Variants in ZFPM1 observed in about 807,000 individuals in gnomAD.
The protein encoded by ZFPM1 is zinc finger protein, FOG family member 1, also known as zinc finger protein ZFPM1.
A neutral mutation model predicts 46.3 loss-of-function variants in ZFPM1; 28 were observed. The ratio of observed to expected loss-of-function variants is 0.60; its 90% CI spans 0.45 to 0.83. The LOEUF (loss-of-function observed/expected upper bound fraction) is 0.83. ZFPM1 is among the 40% of genes least tolerant of loss of function. ZFPM1 has a pLI of 0.00. For synonymous variants in ZFPM1, 957 were observed against 675.9 expected (o/e 1.42, Z -6.45); for missense variants, 1,878 against 1,432.4 (o/e 1.31, Z -5.02).
chr16:88,468,284 C>T (rs982811360), intron 1 of ZFPM1, among the ~76,000 whole-genome samples: 8 of 152,140 alleles, frequency 5.3e-5, no homozygotes, highest in Admixed American at 3.3e-4. Context: ...CTGCGGCGCA[C>T]AGAGCCACCA....
At chr16:88,463,765 A>G (rs563622874) in intron 1 of ZFPM1, among the ~76,000 whole-genome samples, 1 of 152,234 alleles carries the variant, frequency 6.6e-6, no homozygotes, top group African/African-American at 2.4e-5. Context: ...GGGCCAGGGG[A>G]CGCCCGTCTT....
chr16:88,478,088 C>T lies in ZFPM1; in HGVS notation c.41-7851C>T, dbSNP rs180800519. Among the ~76,000 whole-genome samples the T allele has an allele frequency of 3.1e-3, 469 of 152,222 alleles. 3 individuals carry two copies. Among genetic ancestry groups the T allele is most frequent in the South Asian group, 0.016 (76 of 4,786 alleles). On this transcript the variant is annotated intron_variant, in intron 1 of 9. Coordinates refer to ENST00000319555, the MANE Select transcript of ZFPM1 (RefSeq NM_153813.3). Reference sequence around the variant, plus strand: ...CTGCCTCTTGGTGGAGCCGCTCAACCGCCATGTCTCCCCTGCCCCAGGCCC... The same window carrying T: ...CTGCCTCTTGGTGGAGCCGCTCAACTGCCATGTCTCCCCTGCCCCAGGCCC...
intron 5 of ZFPM1, among the ~76,000 whole-genome samples, chr16:88,527,816 G>A (rs1567554043): frequency 6.6e-6 from 1 of 151,270 alleles, no homozygotes; most frequent in African/African-American, 2.4e-5. Context: ...CCACTAGGAT[G>A]GGCCCAGAGC....
intron 1 of ZFPM1, among the ~76,000 whole-genome samples, chr16:88,463,741 T>C (rs1908003713): frequency 6.6e-6 from 1 of 152,218 alleles, no homozygotes. Context: ...AGGAGACCTT[T>C]CCCTGCTCCC....
chr16:88,478,062 T>C lies in ZFPM1; in HGVS notation c.41-7877T>C, dbSNP rs952008538. Among the ~76,000 whole-genome samples the C allele has an allele frequency of 5.3e-5, 8 of 152,142 alleles. No homozygotes were observed. In the South Asian group the frequency reaches 1.4e-3, roughly 28 times the overall value. On this transcript the variant is annotated intron_variant, in intron 1 of 9. Coordinates refer to ENST00000319555, the MANE Select transcript of ZFPM1 (RefSeq NM_153813.3). ...GCAGGGTGTGTGGGAGCTCTGTCTG[T>C]CTGCCTCTTGGTGGAGCCGCTCAAC...
intron 1 of ZFPM1, among the ~76,000 whole-genome samples, chr16:88,455,537 C>G (rs1907510233): frequency 7.5e-6 from 1 of 133,418 alleles, no homozygotes; most frequent in East Asian, 2.5e-4. Flanking sequence ...CGCCCTCTTG[C>G]CAGCGCCTGT....
At chr16:88,515,702 T>C (rs920055734) in intron 4 of ZFPM1, among the ~76,000 whole-genome samples, 2 of 151,984 alleles carry the variant, frequency 1.3e-5, no homozygotes, top group South Asian at 2.1e-4. Flanking sequence ...AGCAGGGAGG[T>C]GGAAGAACGG....
At chr16:88,487,567 C>T (rs753399528) in intron 2 of ZFPM1, among the ~76,000 whole-genome samples, 4 of 152,002 alleles carry the variant, frequency 2.6e-5, no homozygotes, top group Admixed American at 6.5e-5. Flanking sequence ...GGTCTGCAGC[C>T]GAGGGGCTGG....
chr16:88,524,799 G>C (rs150229901), intron 4 of ZFPM1, among the ~76,000 whole-genome samples: 3 of 152,196 alleles, frequency 2.0e-5, no homozygotes, highest in Admixed American at 2.0e-4. Flanking sequence ...GCAGGGGCTC[G>C]GCCGCCCCTC....
intron 1 of ZFPM1, among the ~76,000 whole-genome samples, chr16:88,457,544 C>T (rs1218203235): frequency 2.0e-5 from 3 of 152,240 alleles, no homozygotes; most frequent in Admixed American, 6.5e-5. Context: ...CTGAGGGGAA[C>T]GGTGCCTGCA....
At chr16:88,499,383 G>A (rs1029344531) in intron 3 of ZFPM1, among the ~76,000 whole-genome samples, 3 of 102,378 alleles carry the variant, frequency 2.9e-5, no homozygotes, top group Admixed American at 1.2e-4. Flanking sequence ...CAGAGCAGCC[G>A]CGGAGGAGAA....
In ZFPM1 at chr16:88,471,669, C is replaced by T. The variant is rs560148259; in HGVS notation, c.41-14270C>T. ...CCCAAGATGACCGTGGCCGCGGTGG[C>T]TCCCACACACAGTGGAGGGGTCAGG... On this transcript the variant is annotated intron_variant, in intron 1 of 9. Transcript: ENST00000319555. The surrounding 1 kb of genome is among the most constrained non-coding windows in gnomAD (Gnocchi z 4.1). Among the ~76,000 whole-genome samples the T allele has an allele frequency of 6.6e-6, 1 of 152,326 alleles. No homozygotes were observed. Among genetic ancestry groups the T allele is most frequent in the Non-Finnish European group, 1.5e-5 (1 of 68,028 alleles).
chr16:88,497,268 C>T lies in ZFPM1; in HGVS notation c.268+8115C>T, dbSNP rs1909981550. Among the ~76,000 whole-genome samples the T allele has an allele frequency of 6.6e-6, 1 of 152,138 alleles. No homozygotes were observed. The highest frequency in any genetic ancestry group is 2.4e-5 in the African/African-American group (1 of 41,428). ...GGCGGCAGGTGGACGGCCCCAGCCC[C>T]AGCCCCAGCCCCAGCCCCATTCCAA... On this transcript the variant is annotated intron_variant, in intron 3 of 9. Coordinates refer to ENST00000319555, the MANE Select transcript of ZFPM1 (RefSeq NM_153813.3). This position sits in a 1 kb window ranked among gnomAD's most constrained non-coding sequence, Gnocchi z 5.4.
chr16:88,486,328 G>A (rs1205996572), intron 2 of ZFPM1, among the ~76,000 whole-genome samples: 1 of 152,222 alleles, frequency 6.6e-6, no homozygotes, highest in Non-Finnish European at 1.5e-5. Flanking sequence ...TCTGGCCCTG[G>A]GTTGGATGGG....
At chr16:88,457,888 A>T (rs1907627428) in intron 1 of ZFPM1, among the ~76,000 whole-genome samples, 1 of 152,096 alleles carries the variant, frequency 6.6e-6, no homozygotes, top group Non-Finnish European at 1.5e-5. Context: ...CGGACCCCGG[A>T]GTCCACGCCG....
chr16:88,488,260 C>CA (rs1909349660), intron 2 of ZFPM1, among the ~76,000 whole-genome samples: 1 of 152,032 alleles, frequency 6.6e-6, no homozygotes, highest in Non-Finnish European at 1.5e-5. Flanking sequence ...GAGCCAGGCT[C>CA]CTTATCTGAT....
chr16:88,535,004 C>G lies in ZFPM1; in HGVS notation c.*25C>G. On this transcript the variant is annotated 3_prime_UTR_variant, in exon 10 of 10. Coordinates refer to ENST00000319555, the MANE Select transcript of ZFPM1 (RefSeq NM_153813.3). ...AGCGCCCACACTACAGCCGCAGACG[C>G]TTTGCACGCCCCGCTGCGATGCGGG... 1.3e-5 allele frequency: 18 copies of G among 1,369,848 alleles called. No individual in the cohort carries two copies. The highest frequency in any genetic ancestry group is 1.5e-5 in the Non-Finnish European group (16 of 1,050,552). 84.9% of individuals were successfully genotyped at this position (1,369,848 alleles called of 1,614,324 possible). A position where few individuals can be genotyped will look rare whatever the true frequency, so the allele number is the denominator to read the frequency against.
Position 88,479,158 on chromosome 16 carries a change from G to A in ZFPM1, c.41-6781G>A, listed in dbSNP as rs144144908. ...GTACTGGCCACTTGGTCCTGAGGGTGTGGGCGGTGAGTCCCGAGTCCCAAC... is the reference window on the plus strand; with the variant it reads ...GTACTGGCCACTTGGTCCTGAGGGTATGGGCGGTGAGTCCCGAGTCCCAAC... On this transcript the variant is annotated intron_variant, in intron 1 of 9. Transcript: ENST00000319555. Among the ~76,000 whole-genome samples, 148 of 152,348 alleles carry A rather than the reference G, an allele frequency of 9.7e-4. 1 individual carries two copies. The East Asian group carries it at 0.027, about 27-fold the overall frequency.
intron 3 of ZFPM1, among the ~76,000 whole-genome samples, chr16:88,510,726 G>A (rs572410824): frequency 6.6e-6 from 1 of 152,306 alleles, no homozygotes; most frequent in South Asian, 2.1e-4. Flanking sequence ...GTCAGCCACG[G>A]GGCCACCAGC....
Sources: gnomAD v4.1 joint callset for allele counts (sites outside exome capture counted in the v4.1 genomes callset) on GRCh38, gnomAD v4.1.1 for gene constraint, Gnocchi (gnomAD v3.1) non-coding constraint, MANE v1.5 for transcripts, NCBI Gene and HGNC (gene_info 2026-07-23, HGNC 2026-07-21) for gene names.